The following C10orf90 variants were observed in gnomAD, a reference collection of about 807,000 sequenced individuals.
C10orf90 encodes the protein (E2-independent) E3 ubiquitin-conjugating enzyme FATS.
In C10orf90, 56 loss-of-function variants were observed where a neutral mutation model predicts 62.5. The observed-to-expected ratio is 0.90, with a 90% confidence interval of 0.72 to 1.12. C10orf90 has a LOEUF of 1.12. C10orf90 is among the 50% of genes most tolerant of loss of function. C10orf90 has a pLI of 0.00. For missense variants in C10orf90, 970 were observed against 880.4 expected, an observed-to-expected ratio of 1.10 and a Z score of -1.29; for synonymous variants, 386 against 340.4, an observed-to-expected ratio of 1.13 and a Z score of -1.47.
intron 5 of C10orf90, among the ~76,000 whole-genome samples, chr10:126,462,384 G>C (rs760067049): frequency 7.2e-5 from 11 of 151,966 alleles, no homozygotes; most frequent in Non-Finnish European, 1.6e-4. Context: ...CCACATGCTT[G>C]CCTATCTCCA....
chr10:126,447,829 A>G (rs1858883243), intron 7 of C10orf90, among the ~76,000 whole-genome samples: 1 of 89,338 alleles, frequency 1.1e-5, no homozygotes, highest in South Asian at 5.9e-4. Flanking sequence ...CATATCAAGT[A>G]TCTTTTCGTT....
At chr10:126,646,665 A>T in intron 1 of C10orf90, 28 bp from the exon 2 acceptor site, 1 of 422,072 alleles carries the variant, frequency 2.4e-6, no homozygotes, top group Non-Finnish European at 4.6e-6. Flanking sequence ...ATATTTCCCA[A>T]TTTCATATTT....
intron 2 of C10orf90, among the ~76,000 whole-genome samples, chr10:126,515,928 C>T (rs967831159): frequency 1.1e-4 from 17 of 152,198 alleles, no homozygotes; most frequent in African/African-American, 3.9e-4. Context: ...ATGACGTGCA[C>T]AGATTACTTT....
At chr10:126,499,828 C>T (rs1862275015) in intron 4 of C10orf90, among the ~76,000 whole-genome samples, 1 of 152,178 alleles carries the variant, frequency 6.6e-6, no homozygotes, top group Non-Finnish European at 1.5e-5. Flanking sequence ...TCACTAGTCT[C>T]CTCTTCAATA....
chr10:126,455,610 C>G (rs1291691383), intron 7 of C10orf90, among the ~76,000 whole-genome samples: 1 of 152,192 alleles, frequency 6.6e-6, no homozygotes, highest in Non-Finnish European at 1.5e-5. Context: ...TCAGGTGGCA[C>G]CCGGGTGAGG....
At chr10:126,500,922 C>G (rs1240833548) in intron 4 of C10orf90, among the ~76,000 whole-genome samples, 1 of 152,178 alleles carries the variant, frequency 6.6e-6, no homozygotes, top group South Asian at 2.1e-4. Flanking sequence ...TAGAATTGCC[C>G]AGGCTGTACC....
intron 2 of C10orf90, among the ~76,000 whole-genome samples, chr10:126,619,716 T>TACAG (rs1286022295): frequency 6.6e-6 from 1 of 152,224 alleles, no homozygotes; most frequent in African/African-American, 2.4e-5. Context: ...CAAGGCTCAC[T>TACAG]ACAGCCTCAG....
chr10:126,443,947 G>C (rs557333966), intron 7 of C10orf90, among the ~76,000 whole-genome samples: 1 of 152,128 alleles, frequency 6.6e-6, no homozygotes, highest in South Asian at 2.1e-4. Context: ...AATAGAAGCA[G>C]AAAAAGCTTT....
intron 4 of C10orf90, among the ~76,000 whole-genome samples, chr10:126,475,694 T>C (rs576790871): frequency 2.0e-5 from 3 of 152,302 alleles, no homozygotes; most frequent in African/African-American, 7.2e-5. Flanking sequence ...ATCTTTAACC[T>C]TAATTCATGG....
chr10:126,490,351 A>G (rs906554314), intron 4 of C10orf90, among the ~76,000 whole-genome samples: 2 of 151,736 alleles, frequency 1.3e-5, no homozygotes, highest in Non-Finnish European at 2.9e-5. Context: ...CAGAGTGGTC[A>G]TGGCTTCCAG....
chr10:126,531,253 G>T (rs1047997878), intron 2 of C10orf90, among the ~76,000 whole-genome samples: 11 of 152,136 alleles, frequency 7.2e-5, no homozygotes, highest in Admixed American at 7.2e-4. Flanking sequence ...TCTCAGCTGG[G>T]GTTGATTTTG....
chr10:126,425,983 G>A lies in C10orf90; in HGVS notation c.2352+8C>T. The A allele has an allele frequency of 6.2e-7, 1 of 1,613,856 alleles. No homozygotes were observed. The highest frequency in any genetic ancestry group is 1.3e-5 in the African/African-American group (1 of 75,040). ...ACACATCACACCTGCTGGTGACGAG[G>A]CCATTACCTTTTTGAAGACTTCGGC... On this transcript the variant is annotated splice_region_variant and intron_variant, in intron 9 of 9. Transcript: ENST00000488181.
rs1328261822 is a variant in C10orf90 at position 126,513,952 on chromosome 10, A to G, written c.314-13T>C. ...CTGTCCCGTAATCCTAGGCAAAAGAAGATAATATTGCTACTTTTTAGTATA... is the reference window on the plus strand; with the variant it reads ...CTGTCCCGTAATCCTAGGCAAAAGAGGATAATATTGCTACTTTTTAGTATA... On this transcript the variant is annotated splice_polypyrimidine_tract_variant and intron_variant, in intron 2 of 9. Transcript: ENST00000488181. 1 of 1,574,698 alleles carries G rather than the reference A, an allele frequency of 6.4e-7. No homozygotes were observed. The highest frequency in any genetic ancestry group is 1.4e-5 in the African/African-American group (1 of 74,018).
At chr10:126,498,773 T>C (rs895550200) in intron 4 of C10orf90, among the ~76,000 whole-genome samples, 1 of 152,236 alleles carries the variant, frequency 6.6e-6, no homozygotes, top group African/African-American at 2.4e-5. Flanking sequence ...CAGGCCCTTA[T>C]GGCAACTCAG....
chr10:126,498,622 G>T (rs1862208336), intron 4 of C10orf90, among the ~76,000 whole-genome samples: 2 of 152,212 alleles, frequency 1.3e-5, no homozygotes, highest in Admixed American at 1.3e-4. Flanking sequence ...TCTCCCTTCA[G>T]GAAAGAAGAG....
intron 2 of C10orf90, among the ~76,000 whole-genome samples, chr10:126,603,055 G>T (rs955036940): frequency 5.3e-5 from 8 of 152,096 alleles, no homozygotes; most frequent in South Asian, 4.2e-4. Flanking sequence ...CAGGTGCGGT[G>T]GGGGAGGGGA....
At chr10:126,485,002 A>C (rs1026656193) in intron 4 of C10orf90, among the ~76,000 whole-genome samples, 1 of 152,242 alleles carries the variant, frequency 6.6e-6, no homozygotes, top group Non-Finnish European at 1.5e-5. Context: ...ATCTTCAAGA[A>C]TAGACATGGT....
At chr10:126,544,723 G>A (rs1864452435) in intron 2 of C10orf90, among the ~76,000 whole-genome samples, 1 of 152,132 alleles carries the variant, frequency 6.6e-6, no homozygotes, top group African/African-American at 2.4e-5. Context: ...TCTTAAGTGA[G>A]GTGAGTGAAT....
At chr10:126,451,516 A>T (rs1329736839) in intron 7 of C10orf90, among the ~76,000 whole-genome samples, 1 of 152,042 alleles carries the variant, frequency 6.6e-6, no homozygotes, top group African/African-American at 2.4e-5. Flanking sequence ...TCCTTCACAG[A>T]CACTGTGAGG....
Sources: gnomAD v4.1 joint callset for allele counts (sites outside exome capture counted in the v4.1 genomes callset) on GRCh38, gnomAD v4.1.1 for gene constraint, MANE v1.5 for transcripts, NCBI Gene and HGNC (gene_info 2026-07-23, HGNC 2026-07-21) for gene names.